The following STK3 variants were observed in gnomAD, a reference collection of about 807,000 sequenced individuals.
STK3 encodes the protein serine/threonine kinase 3, also known as serine/threonine-protein kinase 3.
STK3 carries 41 observed loss-of-function variants against 58.0 expected under a neutral mutation model. That is an observed-to-expected ratio of 0.71 (90% CI 0.55 to 0.92). The LOEUF is 0.92. STK3 is among the 40% of genes least tolerant of loss of function. STK3 has a pLI of 0.00. For synonymous variants in STK3, 170 were observed against 191.0 expected, an observed-to-expected ratio of 0.89 and a Z score of 0.91; for missense variants, 479 against 602.7, an observed-to-expected ratio of 0.79 and a Z score of 2.15.
intron 1 of STK3, among the ~76,000 whole-genome samples, chr8:98,444,327 G>A (rs1160670008): frequency 6.6e-6 from 1 of 152,194 alleles, no homozygotes; most frequent in Non-Finnish European, 1.5e-5. Context: ...ATGAGGAGAG[G>A]GAGGTGGGGC....
At chr8:98,821,162 G>A (rs578061815) in intron 1 of STK3, among the ~76,000 whole-genome samples, 168 of 152,208 alleles carry the variant, frequency 1.1e-3, no homozygotes, top group South Asian at 2.1e-3. Flanking sequence ...GAGCATTACC[G>A]CCCTTGCTCT....
intron 1 of STK3, among the ~76,000 whole-genome samples, chr8:98,895,221 A>G (rs964846030): frequency 6.6e-6 from 1 of 152,142 alleles, no homozygotes; most frequent in Non-Finnish European, 1.5e-5. Flanking sequence ...CATATGAGTT[A>G]CCTGGGGACT....
chr8:98,894,194 T>A (rs1418504115), intron 1 of STK3, among the ~76,000 whole-genome samples: 1 of 152,200 alleles, frequency 6.6e-6, no homozygotes, highest in African/African-American at 2.4e-5. Flanking sequence ...CAATTCTACA[T>A]ACTGATGATG....
chr8:98,915,077 A>G (rs181748021), intron 1 of STK3, among the ~76,000 whole-genome samples: 10 of 152,220 alleles, frequency 6.6e-5, no homozygotes, highest in Non-Finnish European at 1.2e-4. Flanking sequence ...GATGGTTAAT[A>G]CTAAGTGTTA....
intron 1 of STK3, among the ~76,000 whole-genome samples, chr8:98,386,073 T>C (rs976091779): frequency 3.9e-5 from 6 of 152,180 alleles, no homozygotes; most frequent in Admixed American, 2.6e-4. Context: ...CAATATACTC[T>C]GTTAGGTAGG....
At chr8:98,427,911 C>A in intron 3 of STK3, 1 of 1,347,140 alleles carries the variant, frequency 7.4e-7, no homozygotes, top group Non-Finnish European at 1.0e-6. Context: ...ACGGCGCTCT[C>A]GCCGACGCTG....
At chr8:98,583,552 T>G (rs1814130551) in intron 7 of STK3, among the ~76,000 whole-genome samples, 1 of 152,190 alleles carries the variant, frequency 6.6e-6, no homozygotes, top group African/African-American at 2.4e-5. Flanking sequence ...GCATCAGCAC[T>G]GTCATCCTCA....
At chr8:98,803,593 C>CAAAAAAAAAAAAAAAAAAAAA (rs34316563) in intron 1 of STK3, among the ~76,000 whole-genome samples, 13 of 38,814 alleles carry the variant, frequency 3.3e-4, no homozygotes, top group South Asian at 1.3e-3. Context: ...GACTCTGTTT[C>CAAAAAAAAAAAAAAAAAAAAA]AAAAAAAAAA....
chr8:98,393,394 C>T (rs183244570), intron 3 of STK3, among the ~76,000 whole-genome samples: 9 of 152,290 alleles, frequency 5.9e-5, no homozygotes, highest in Non-Finnish European at 2.9e-5. Flanking sequence ...TAGTCCTTCA[C>T]TCCTTCTTGT....
chr8:98,503,796 T>A (rs1823823143), intron 10 of STK3, among the ~76,000 whole-genome samples: 1 of 152,210 alleles, frequency 6.6e-6, no homozygotes, highest in Non-Finnish European at 1.5e-5. Context: ...TTCTTTTACA[T>A]TTGCTGAGGA....
At chr8:98,432,389 T>C (rs1818348223) in intron 3 of STK3, 1 of 167,114 alleles carries the variant, frequency 6.0e-6, no homozygotes, top group East Asian at 1.9e-4. Flanking sequence ...ATATCTGTGA[T>C]GTGCATTTTG....
At chr8:98,382,104 G>A (rs1563588497) in intron 1 of STK3, among the ~76,000 whole-genome samples, 1 of 152,178 alleles carries the variant, frequency 6.6e-6, no homozygotes, top group African/African-American at 2.4e-5. Context: ...CCTAGGAGGT[G>A]GTGGGCTGGG....
intron 1 of STK3, among the ~76,000 whole-genome samples, chr8:98,778,095 C>G (rs1014691073): frequency 2.7e-4 from 41 of 151,952 alleles, no homozygotes; most frequent in African/African-American, 8.0e-4. Context: ...AACAGGCAAC[C>G]TACAGAATGG....
chr8:98,725,764 TA>T (rs1035131527), intron 4 of STK3, among the ~76,000 whole-genome samples: 1 of 152,036 alleles, frequency 6.6e-6, no homozygotes, highest in African/African-American at 2.4e-5. Context: ...ACCTTAACAG[TA>T]AAAAGTGGCA....
upstream of STK3, among the ~76,000 whole-genome samples, chr8:98,828,998 T>C (rs1835430212): frequency 6.6e-6 from 1 of 152,192 alleles, no homozygotes; most frequent in African/African-American, 2.4e-5. Flanking sequence ...TTCTCCATCC[T>C]TTTCCATCTG....
intron 1 of STK3, among the ~76,000 whole-genome samples, chr8:98,929,170 G>A (rs939762977): frequency 1.3e-5 from 2 of 152,162 alleles, no homozygotes; most frequent in African/African-American, 4.8e-5. Context: ...GGAAGCTGAG[G>A]CAGGAGAATT....
At chr8:98,492,128 A>G (rs1226768609) in intron 10 of STK3, among the ~76,000 whole-genome samples, 1 of 152,246 alleles carries the variant, frequency 6.6e-6, no homozygotes, top group East Asian at 1.9e-4. Flanking sequence ...TTCATAAAGC[A>G]TCTCCAAAAA....
chr8:98,744,071 T>C (rs1345226120), intron 4 of STK3, among the ~76,000 whole-genome samples: 1 of 151,810 alleles, frequency 6.6e-6, no homozygotes, highest in African/African-American at 2.4e-5. Flanking sequence ...CATTAAAAAG[T>C]CAGGAAACAA....
the STK3 span, among the ~76,000 whole-genome samples, chr8:98,354,304 A>G: frequency 6.6e-6 from 1 of 152,172 alleles, no homozygotes; most frequent in Non-Finnish European, 1.5e-5. Flanking sequence ...AGATTTTTCT[A>G]CCTTCCTCAT....
Sources: gnomAD v4.1 joint callset for allele counts (sites outside exome capture counted in the v4.1 genomes callset) on GRCh38, gnomAD v4.1.1 for gene constraint, MANE v1.5 for transcripts, NCBI Gene and HGNC (gene_info 2026-07-23, HGNC 2026-07-21) for gene names.